SLC35F4: variants seen among roughly 807,000 people sequenced by gnomAD.
The protein encoded by SLC35F4 is chromosome 14 open reading frame 36.
SLC35F4 carries 24 observed loss-of-function variants against 44.2 expected under a neutral mutation model. The ratio of observed to expected loss-of-function variants is 0.54; its 90% CI spans 0.39 to 0.76. SLC35F4 has a LOEUF of 0.76. Among genes scored for constraint, SLC35F4 ranks in the 30% least tolerant of loss-of-function variants. SLC35F4 has a pLI of 0.00. For synonymous variants in SLC35F4, 238 were observed against 223.6 expected, an observed-to-expected ratio of 1.06 and a Z score of -0.57; for missense variants, 562 against 586.1, an observed-to-expected ratio of 0.96 and a Z score of 0.42.
intron 1 of SLC35F4, among the ~76,000 whole-genome samples, chr14:57,876,036 G>T (rs1161334525): frequency 2.0e-5 from 3 of 152,156 alleles, no homozygotes; most frequent in Admixed American, 6.6e-5. Flanking sequence ...GCATTAAAAG[G>T]TTACCTGCAA....
intron 1 of SLC35F4, among the ~76,000 whole-genome samples, chr14:57,628,331 G>T (rs919033550): frequency 7.1e-6 from 1 of 141,364 alleles, no homozygotes; most frequent in Non-Finnish European, 1.5e-5. Flanking sequence ...TAAGTTCTGG[G>T]GTACATGTGC....
At chr14:57,792,872 A>G (rs1012963551) in intron 1 of SLC35F4, among the ~76,000 whole-genome samples, 4 of 149,578 alleles carry the variant, frequency 2.7e-5, no homozygotes, top group South Asian at 4.2e-4. Context: ...AATCACCACT[A>G]AAGAATTTAC....
chr14:57,810,253 T>C (rs1037309564), intron 1 of SLC35F4, among the ~76,000 whole-genome samples: 2 of 152,176 alleles, frequency 1.3e-5, no homozygotes, highest in South Asian at 4.1e-4. Flanking sequence ...AGCTGTTGTT[T>C]CTGACCTGTG....
chr14:57,779,905 G>C (rs114519938), intron 1 of SLC35F4, among the ~76,000 whole-genome samples: 1 of 151,900 alleles, frequency 6.6e-6, no homozygotes, highest in Non-Finnish European at 1.5e-5. Flanking sequence ...AAAAACTCTC[G>C]ACAAACTAGG....
At position 57,581,229 on chromosome 14, in the gene SLC35F4, C is replaced by T. The variant is rs376892187; in HGVS notation, c.792G>A (p.Arg264=). The change falls in exon 4 of 8, where the codon AGG becomes AGA. Residue 264 remains arginine (R), a synonymous_variant. Transcript: ENST00000556826. ...FLLSWIVLKD[R]FMGVRIVAAI... is the part of the protein sequence containing the mutation. ...ATGCCATTACCCTCACTCCCATGAA[C>T]CTGTCTTTCAGCACAATCCATGACA... 34 of 1,579,566 alleles carry T rather than the reference C, an allele frequency of 2.2e-5. 1 individual carries two copies. Among genetic ancestry groups the T allele is most frequent in the Non-Finnish European group, 2.8e-5 (33 of 1,164,184 alleles).
At chr14:57,764,373 G>A (rs1594994859) in intron 1 of SLC35F4, among the ~76,000 whole-genome samples, 1 of 152,120 alleles carries the variant, frequency 6.6e-6, no homozygotes, top group South Asian at 2.1e-4. Flanking sequence ...CAAACACTAT[G>A]CTGCAAGCAA....
intron 1 of SLC35F4, among the ~76,000 whole-genome samples, chr14:57,716,117 T>G (rs1398779949): frequency 6.6e-6 from 1 of 152,140 alleles, no homozygotes; most frequent in Non-Finnish European, 1.5e-5. Context: ...TGAACACCAC[T>G]GTGTGCGTGC....
chr14:57,941,394 T>C (rs1427562234), intron 1 of SLC35F4, among the ~76,000 whole-genome samples: 1 of 152,216 alleles, frequency 6.6e-6, no homozygotes, highest in Admixed American at 6.5e-5. Flanking sequence ...ACAATATGGA[T>C]GAACCTTGAA....
In SLC35F4 at chr14:57,854,627, A is replaced by G. The variant is rs549150464; in HGVS notation, c.103+11096T>C. Among the ~76,000 whole-genome samples, 482 of 152,066 alleles carry G rather than the reference A, an allele frequency of 3.2e-3. 1 individual carries two copies. Among genetic ancestry groups the G allele is most frequent in the Admixed American group, 5.3e-3 (81 of 15,262 alleles). ...AGCTGAGATTCCACCTTTCCCTGCTACCTCTCTCCCAACTTCACCCTATTT... is the reference window on the plus strand; with the variant it reads ...AGCTGAGATTCCACCTTTCCCTGCTGCCTCTCTCCCAACTTCACCCTATTT... On this transcript the variant is annotated intron_variant, in intron 1 of 7. Coordinates refer to ENST00000556826, the MANE Select transcript of SLC35F4 (RefSeq NM_001306087.2).
chr14:57,782,994 G>A (rs2077663116), intron 1 of SLC35F4, among the ~76,000 whole-genome samples: 1 of 152,006 alleles, frequency 6.6e-6, no homozygotes, highest in South Asian at 2.1e-4. Context: ...AAGGAAGGAA[G>A]GAAGGGAGCT....
chr14:57,867,368 C>A (rs1380059972), upstream of SLC35F4, among the ~76,000 whole-genome samples: 1 of 152,042 alleles, frequency 6.6e-6, no homozygotes, highest in African/African-American at 2.4e-5. Context: ...GGGTTTTCAT[C>A]CAAACACAAA....
At chr14:57,589,629 A>G in intron 2 of SLC35F4, 116 bp from the exon 3 acceptor site, 1 of 1,117,376 alleles carries the variant, frequency 8.9e-7, no homozygotes, top group Non-Finnish European at 1.2e-6. Context: ...TAGAATTACC[A>G]GTGTTTTTCT....
intron 1 of SLC35F4, among the ~76,000 whole-genome samples, chr14:57,665,329 G>T (rs1180962961): frequency 6.6e-6 from 1 of 152,080 alleles, no homozygotes; most frequent in Non-Finnish European, 1.5e-5. Context: ...AATAATAATA[G>T]CTATTACTTA....
chr14:57,836,453 CA>C (rs1219101495), intron 1 of SLC35F4, among the ~76,000 whole-genome samples: 3 of 151,976 alleles, frequency 2.0e-5, no homozygotes, highest in African/African-American at 7.2e-5. Context: ...CCATCACATC[CA>C]GCTAATTTTT....
chr14:57,710,858 T>C (rs1208258589), intron 1 of SLC35F4, among the ~76,000 whole-genome samples: 1 of 152,122 alleles, frequency 6.6e-6, no homozygotes, highest in East Asian at 1.9e-4. Context: ...ACTTGTATTT[T>C]ATTTTACCTG....
chr14:57,572,612 A>G (rs2068572868), intron 4 of SLC35F4, among the ~76,000 whole-genome samples: 1 of 152,244 alleles, frequency 6.6e-6, no homozygotes, highest in East Asian at 1.9e-4. Context: ...GGAATGTCAA[A>G]TGGAAGCCAG....
chr14:57,936,930 G>A (rs1302361359), intron 1 of SLC35F4, among the ~76,000 whole-genome samples: 1 of 152,176 alleles, frequency 6.6e-6, no homozygotes, highest in Non-Finnish European at 1.5e-5. Flanking sequence ...TATCCAAAAG[G>A]AGAGTCCATA....
chr14:57,823,215 C>T (rs1398804768), intron 1 of SLC35F4, among the ~76,000 whole-genome samples: 3 of 152,110 alleles, frequency 2.0e-5, no homozygotes, highest in Admixed American at 6.6e-5. Context: ...TCCTTACTCA[C>T]CACACTCCAG....
chr14:57,594,228 C>T, intron 1 of SLC35F4, 104 bp from the exon 2 acceptor site: 7 of 1,149,420 alleles, frequency 6.1e-6, no homozygotes, highest in Non-Finnish European at 8.5e-6. Flanking sequence ...CTCACTCTGT[C>T]ACCCAGGCTA....
Sources: allele counts gnomAD v4.1 joint callset (sites outside exome capture counted in the v4.1 genomes callset), GRCh38; gene constraint gnomAD v4.1.1; transcripts MANE v1.5; gene names NCBI Gene and HGNC (gene_info 2026-07-23, HGNC 2026-07-21).